Variants in ANK2 observed in about 807,000 individuals in gnomAD.
The protein encoded by ANK2 is ankyrin 2.
A neutral mutation model predicts 360.5 loss-of-function variants in ANK2; 83 were observed. The observed-to-expected ratio is 0.23, with a 90% confidence interval of 0.19 to 0.28. The LOEUF is 0.28. Ranked by LOEUF, ANK2 falls within the 10% of genes least tolerant of loss-of-function variation. ANK2 has a pLI of 1.00. For missense variants in ANK2, 4,201 were observed against 4,795.7 expected (o/e 0.88, Z 3.66); for synonymous variants, 1,740 against 1,759.5 (o/e 0.99, Z 0.28).
intron 23 of ANK2, 64 bp downstream of exon 23, chr4:113,302,903 T>A (rs2153794667): frequency 7.1e-7 from 1 of 1,399,778 alleles, no homozygotes; most frequent in South Asian, 1.2e-5. Context: ...AAATTACCCT[T>A]TTTTTCAGAG....
At chr4:112,949,733 G>A (rs1298355586) in intron 2 of ANK2, among the ~76,000 whole-genome samples, 1 of 152,118 alleles carries the variant, frequency 6.6e-6, no homozygotes, top group African/African-American at 2.4e-5. Flanking sequence ...ATCTTGGTCT[G>A]GAATAAGCCT....
intron 1 of ANK2, among the ~76,000 whole-genome samples, chr4:112,818,839 AGCTGGCAGAACAGGT>A (rs1009446656): frequency 1.3e-5 from 2 of 152,180 alleles, no homozygotes; most frequent in Non-Finnish European, 2.9e-5. Flanking sequence ...AAATAGTGTC[AGCTGGCAGAACAGGT>A]GCTGGCAGTA....
chr4:113,357,238 A>G lies in ANK2; in HGVS notation c.8620A>G (p.Thr2874Ala). 2 of 1,614,062 alleles carry G rather than the reference A, an allele frequency of 1.2e-6. No individual in the cohort carries two copies. Among genetic ancestry groups the G allele is most frequent in the Non-Finnish European group, 1.7e-6 (2 of 1,179,982 alleles). The part of the protein sequence containing the change: ...DISATSSIQK[T>A]EVTKTDETFE... ...ATCTGCCACATCTTCTATTCAAAAA[A>G]CAGAGGTCACAAAAACTGATGAAAC... is the stretch of plus-strand genomic sequence containing the variant. The change falls in exon 38 of 46, where the codon ACA (threonine) becomes GCA (alanine). Residue 2874 changes from threonine to alanine, a missense_variant. Coordinates refer to ENST00000357077, the MANE Select transcript of ANK2 (RefSeq NM_001148.6).
chr4:113,365,679 T>TC (rs1491151654), intron 41 of ANK2, among the ~76,000 whole-genome samples: 1 of 149,126 alleles, frequency 6.7e-6, no homozygotes, highest in Non-Finnish European at 1.5e-5. Flanking sequence ...TTTTTTTTTT[T>TC]CTCTCTCTCT....
chr4:113,072,774 G>C (rs1477093538), intron 1 of ANK2, among the ~76,000 whole-genome samples: 1 of 42,302 alleles, frequency 2.4e-5, no homozygotes, highest in Non-Finnish European at 4.6e-5. Flanking sequence ...TTGCTGTCTT[G>C]TCTCTCCAGC....
chr4:113,261,583 A>G (rs1389006881), intron 13 of ANK2, among the ~76,000 whole-genome samples: 1 of 152,166 alleles, frequency 6.6e-6, no homozygotes, highest in Non-Finnish European at 1.5e-5. Flanking sequence ...TATATAAACA[A>G]TGGTAATATT....
chr4:112,982,291 T>C (rs1376972727), intron 2 of ANK2, among the ~76,000 whole-genome samples: 1 of 152,208 alleles, frequency 6.6e-6, no homozygotes, highest in Admixed American at 6.5e-5. Flanking sequence ...GAATTAAATT[T>C]TGAGACATGC....
At chr4:113,061,187 C>A (rs896879486) in intron 1 of ANK2, among the ~76,000 whole-genome samples, 2 of 152,008 alleles carry the variant, frequency 1.3e-5, no homozygotes, top group Non-Finnish European at 2.9e-5. Context: ...GATGACCCTG[C>A]CCCAAGTGGC....
chr4:113,020,604 G>A (rs2057796539), intron 2 of ANK2, among the ~76,000 whole-genome samples: 1 of 152,138 alleles, frequency 6.6e-6, no homozygotes, highest in South Asian at 2.1e-4. Context: ...GAGGTGGGTG[G>A]ATCTCTTGAG....
chr4:113,371,691 A>G (rs994082643), intron 43 of ANK2, among the ~76,000 whole-genome samples: 1 of 152,188 alleles, frequency 6.6e-6, no homozygotes, highest in African/African-American at 2.4e-5. Context: ...TTTCTTGCCA[A>G]CCATATTTCT....
intron 1 of ANK2, among the ~76,000 whole-genome samples, chr4:112,894,412 T>C (rs1355138383): frequency 6.6e-6 from 1 of 152,222 alleles, no homozygotes; most frequent in Non-Finnish European, 1.5e-5. Flanking sequence ...ATATGTAGTA[T>C]ACATACATAT....
intron 10 of ANK2, among the ~76,000 whole-genome samples, chr4:113,252,190 C>T (rs1403596297): frequency 1.3e-5 from 2 of 152,132 alleles, no homozygotes; most frequent in Admixed American, 6.5e-5. Context: ...AGGGCTTTCC[C>T]CTTATAAAAC....
intron 1 of ANK2, among the ~76,000 whole-genome samples, chr4:112,893,194 G>A (rs950945088): frequency 1.3e-5 from 2 of 151,986 alleles, no homozygotes; most frequent in African/African-American, 2.4e-5. Flanking sequence ...AAAGTATTTG[G>A]GAAAGTGCAT....
chr4:113,282,666 T>A lies in ANK2; in HGVS notation c.1882-9T>A. On this transcript the variant is annotated splice_polypyrimidine_tract_variant and intron_variant, in intron 17 of 45. Coordinates refer to ENST00000357077, the MANE Select transcript of ANK2 (RefSeq NM_001148.6). ...CTATATGCATGTGTTTTATTTTTGTTCTTTTTAGAATGGCTATACTCCGTT... is the reference window on the plus strand; with the variant it reads ...CTATATGCATGTGTTTTATTTTTGTACTTTTTAGAATGGCTATACTCCGTT... 1 of 1,604,056 alleles carries A rather than the reference T, an allele frequency of 6.2e-7. No homozygotes were observed. The highest frequency in any genetic ancestry group is 8.5e-7 in the Non-Finnish European group (1 of 1,173,038).
At chr4:112,866,763 A>G (rs574731108) in intron 1 of ANK2, among the ~76,000 whole-genome samples, 8 of 152,192 alleles carry the variant, frequency 5.3e-5, no homozygotes, top group Non-Finnish European at 8.8e-5. Flanking sequence ...GTGATTTATG[A>G]CTGAAGAAAA....
At chr4:113,131,599 G>A (rs1218489190) in intron 1 of ANK2, among the ~76,000 whole-genome samples, 3 of 152,222 alleles carry the variant, frequency 2.0e-5, no homozygotes, top group African/African-American at 7.2e-5. Context: ...GTAGAAGTGT[G>A]AAGCTCATTT....
chr4:112,733,552 A>G, the ANK2 span, among the ~76,000 whole-genome samples: 50 of 152,314 alleles, frequency 3.3e-4, no homozygotes, highest in African/African-American at 1.2e-3. Flanking sequence ...GACTTTGCAA[A>G]TTAGACTTCA....
chr4:112,959,953 G>A (rs1241967344), intron 2 of ANK2, among the ~76,000 whole-genome samples: 1 of 152,174 alleles, frequency 6.6e-6, no homozygotes, highest in East Asian at 1.9e-4. Flanking sequence ...CTAATTGAAT[G>A]TTAAGCAGCT....
At chr4:112,768,055 T>C in the ANK2 span, among the ~76,000 whole-genome samples, 2 of 152,142 alleles carry the variant, frequency 1.3e-5, no homozygotes, top group African/African-American at 4.8e-5. Flanking sequence ...GAAGACGAAG[T>C]TGATATGCAA....
Sources: gnomAD v4.1 joint callset for allele counts (sites outside exome capture counted in the v4.1 genomes callset) on GRCh38, gnomAD v4.1.1 for gene constraint, MANE v1.5 for transcripts, NCBI Gene and HGNC (gene_info 2026-07-23, HGNC 2026-07-21) for gene names.